Variants in XPO1 observed in about 807,000 individuals in gnomAD.
The protein encoded by XPO1 is exportin 1, also known as exportin-1.
XPO1 carries 5 observed loss-of-function variants against 133.3 expected under a neutral mutation model. That is an observed-to-expected ratio of 0.04 (90% CI 0.02 to 0.08). XPO1 has a LOEUF of 0.08. Ranked by LOEUF, XPO1 falls within the 10% of genes least tolerant of loss-of-function variation. The pLI is 1.00. For missense variants in XPO1, 506 were observed against 1,267.5 expected (o/e 0.40, Z 9.12); for synonymous variants, 419 against 408.2 (o/e 1.03, Z -0.32).
intron 4 of XPO1, among the ~76,000 whole-genome samples, chr2:61,504,631 A>C (rs1573162277): frequency 6.6e-6 from 1 of 152,216 alleles, no homozygotes; most frequent in African/African-American, 2.4e-5. Flanking sequence ...GAACTGAGTG[A>C]AATTTTCGTT....
At chr2:61,508,013 T>C (rs549105025) in intron 4 of XPO1, among the ~76,000 whole-genome samples, 1 of 152,150 alleles carries the variant, frequency 6.6e-6, no homozygotes, top group Admixed American at 6.6e-5. Context: ...ACTGGTACAA[T>C]CTAGTGGCCC....
chr2:61,533,941 G>A (rs781125569), intron 1 of XPO1, 38 bp from the exon 2 acceptor site: 1 of 1,436,190 alleles, frequency 7.0e-7, no homozygotes, highest in East Asian at 2.6e-5. Context: ...TGCCTATCAA[G>A]TTTTGGTATT....
At position 61,518,305 on chromosome 2, in the gene XPO1, C is replaced by A. The variant is rs1407169629; in HGVS notation, c.301+4306G>T. 2.0e-5 allele frequency among the ~76,000 whole-genome samples: 3 copies of A among 151,532 alleles called. No individual in the cohort carries two copies. The East Asian group carries it at 5.8e-4, about 29-fold the overall frequency. On this transcript the variant is annotated intron_variant, in intron 4 of 24. Coordinates refer to ENST00000401558, the MANE Select transcript of XPO1 (RefSeq NM_003400.4). ...CGGTGGTTCGCACCTGTAATCCCAGCACTTTGGGAGGCCGAGGCAGGCGGA... is the reference window on the plus strand; with the variant it reads ...CGGTGGTTCGCACCTGTAATCCCAGAACTTTGGGAGGCCGAGGCAGGCGGA...
chr2:61,504,254 T>C (rs938002595), intron 4 of XPO1, among the ~76,000 whole-genome samples: 1 of 152,220 alleles, frequency 6.6e-6, no homozygotes, highest in Non-Finnish European at 1.5e-5. Context: ...GATACTCATA[T>C]CCTTGATTTT....
chr2:61,483,361 T>C (rs1696498192), intron 21 of XPO1: 2 of 332,762 alleles, frequency 6.0e-6, no homozygotes, highest in South Asian at 8.5e-5. Context: ...TTTGGGGACT[T>C]GTGGGGAAGG....
At chr2:61,523,850 A>C (rs551130226) in intron 3 of XPO1, among the ~76,000 whole-genome samples, 48 of 152,320 alleles carry the variant, frequency 3.2e-4, no homozygotes, top group Non-Finnish European at 5.7e-4. Context: ...ACTCTTCAAG[A>C]AAATTTTGCC....
In XPO1 at chr2:61,482,484, T is replaced by C. The variant is rs1268911716; in HGVS notation, c.2868A>G (p.Gly956=). 2 of 1,613,414 alleles carry C rather than the reference T, an allele frequency of 1.2e-6. No individual in the cohort carries two copies. The highest frequency in any genetic ancestry group is 1.7e-6 in the Non-Finnish European group (2 of 1,179,772). ...LAYMFNLVEE[G]KISTSLNPGN... is the part of the protein sequence containing the mutation. ...CAGGATTTAATGATGTACTTATTTT[T>C]CCTTCTTCAACCAAATTAAACATAT... is the stretch of plus-strand genomic sequence containing the variant. The change falls in exon 23 of 25, where the codon GGA becomes GGG. Residue 956 remains glycine, a synonymous_variant. Coordinates refer to ENST00000401558, the MANE Select transcript of XPO1 (RefSeq NM_003400.4).
intron 4 of XPO1, among the ~76,000 whole-genome samples, chr2:61,516,861 C>CA (rs1698416952): frequency 6.6e-6 from 1 of 151,180 alleles, no homozygotes; most frequent in African/African-American, 2.4e-5. Flanking sequence ...GAGGCTTCCT[C>CA]TTTTTTTTTA....
At chr2:61,537,474 G>T (rs1311200650) in intron 1 of XPO1, 88 bp downstream of exon 1, 1 of 146,926 alleles carries the variant, frequency 6.8e-6, no homozygotes. Flanking sequence ...TCCCGCGGCC[G>T]CCGCCGCCGC....
intron 19 of XPO1, among the ~76,000 whole-genome samples, chr2:61,487,506 A>C (rs918896242): frequency 8.5e-5 from 13 of 152,080 alleles, no homozygotes; most frequent in Middle Eastern, 6.3e-3. Context: ...AAATTTCAAA[A>C]CTATGAAAAT....
At chr2:61,480,568 A>G (rs1342563921) in intron 24 of XPO1, 2 of 152,110 alleles carry the variant, frequency 1.3e-5, no homozygotes, top group Non-Finnish European at 2.9e-5. Flanking sequence ...GGCATGAGCA[A>G]CTGCGCCCAG....
intron 4 of XPO1, among the ~76,000 whole-genome samples, chr2:61,503,079 C>T (rs1697618348): frequency 6.6e-6 from 1 of 151,380 alleles, no homozygotes; most frequent in Non-Finnish European, 1.5e-5. Context: ...GATTCTCCTG[C>T]CTCAGGCTCC....
intron 17 of XPO1, among the ~76,000 whole-genome samples, chr2:61,489,659 A>C (rs903578972): frequency 6.7e-6 from 1 of 150,290 alleles, no homozygotes; most frequent in African/African-American, 2.4e-5. Context: ...GGTTCACGCC[A>C]TTCTCCTGCC....
chr2:61,513,505 A>T (rs2104643556), intron 4 of XPO1, among the ~76,000 whole-genome samples: 1 of 151,210 alleles, frequency 6.6e-6, no homozygotes, highest in South Asian at 2.1e-4. Context: ...TTGTATCTTT[A>T]GTAGACATGC....
At chr2:61,495,755 T>A in intron 10 of XPO1, 142 bp from the exon 11 acceptor site, 1 of 770,322 alleles carries the variant, frequency 1.3e-6, no homozygotes, top group Non-Finnish European at 1.8e-6. Context: ...CACTGCAGCC[T>A]CCACCTCCTA....
At chr2:61,482,591 C>G in intron 22 of XPO1, 52 bp from the exon 23 acceptor site, 2 of 1,365,482 alleles carry the variant, frequency 1.5e-6, no homozygotes, top group South Asian at 1.4e-5. Flanking sequence ...AACTATAGAT[C>G]TTAGCGTTTT....
At chr2:61,480,582 A>C (rs1696298275) in intron 24 of XPO1, 1 of 152,060 alleles carries the variant, frequency 6.6e-6, no homozygotes. Context: ...CGCCCAGCCT[A>C]GGTAACTTTC....
At chr2:61,495,938 G>A (rs1052262284) in intron 10 of XPO1, among the ~76,000 whole-genome samples, 4 of 152,076 alleles carry the variant, frequency 2.6e-5, no homozygotes, top group Non-Finnish European at 4.4e-5. Flanking sequence ...CAAAGTGCTG[G>A]GATTAAAGGT....
At chr2:61,481,997 A>AGTGTTG (rs1435379514) in intron 23 of XPO1, among the ~76,000 whole-genome samples, 1 of 133,508 alleles carries the variant, frequency 7.5e-6, no homozygotes, top group African/African-American at 2.8e-5. Context: ...AGCCTCCCAA[A>AGTGTTG]GTGTTGGGAT....
Sources: allele counts gnomAD v4.1 joint callset (sites outside exome capture counted in the v4.1 genomes callset), GRCh38; gene constraint gnomAD v4.1.1; transcripts MANE v1.5; gene names NCBI Gene and HGNC (gene_info 2026-07-23, HGNC 2026-07-21).